The following DEPTOR variants were observed in gnomAD, a reference collection of about 807,000 sequenced individuals.
DEPTOR encodes the protein DEP domain-containing mTOR-interacting protein.
DEPTOR carries 41 observed loss-of-function variants against 41.6 expected under a neutral mutation model. The ratio of observed to expected loss-of-function variants is 0.98; its 90% confidence interval spans 0.77 to 1.28. The LOEUF is 1.28. DEPTOR is among the 50% of genes most tolerant of loss of function. The pLI is 0.00. For missense variants in DEPTOR, 514 were observed against 527.9 expected (o/e 0.97, Z 0.26); for synonymous variants, 195 against 192.3 (o/e 1.01, Z -0.12).
At chr8:120,020,158 G>A (rs1019584828) in intron 8 of DEPTOR, among the ~76,000 whole-genome samples, 3 of 152,110 alleles carry the variant, frequency 2.0e-5, no homozygotes, top group Non-Finnish European at 4.4e-5. Flanking sequence ...CATGATCTTG[G>A]CTCACTGCAA....
At chr8:119,942,540 G>C (rs7006901) in intron 3 of DEPTOR, among the ~76,000 whole-genome samples, 18,134 of 152,134 alleles carry the variant, frequency 0.12, 1,670 homozygotes, top group African/African-American at 0.25. Context: ...ATTGCTATTT[G>C]AATGGTAGAC....
chr8:119,955,686 G>A (rs1828409300), intron 3 of DEPTOR, among the ~76,000 whole-genome samples: 2 of 151,948 alleles, frequency 1.3e-5, no homozygotes, highest in Non-Finnish European at 2.9e-5. Flanking sequence ...GGTTGGTCTC[G>A]AACTCTTGAC....
chr8:120,048,522 A>G (rs1200835694), intron 8 of DEPTOR, among the ~76,000 whole-genome samples: 1 of 152,192 alleles, frequency 6.6e-6, no homozygotes, highest in Non-Finnish European at 1.5e-5. Flanking sequence ...GAACCAAGAA[A>G]AGAGAAACAG....
chr8:120,024,731 T>C (rs1812773132), intron 8 of DEPTOR, among the ~76,000 whole-genome samples: 1 of 152,124 alleles, frequency 6.6e-6, no homozygotes. Context: ...AGAGGGAGCA[T>C]GGCCTGCCCT....
chr8:119,878,810 T>C (rs184676810), intron 1 of DEPTOR, among the ~76,000 whole-genome samples: 6 of 152,188 alleles, frequency 3.9e-5, no homozygotes, highest in African/African-American at 1.2e-4. Flanking sequence ...AATTTTTGCA[T>C]CTTAAAGATG....
chr8:119,964,287 T>C (rs565237762), intron 3 of DEPTOR, among the ~76,000 whole-genome samples: 3 of 152,032 alleles, frequency 2.0e-5, no homozygotes, highest in Non-Finnish European at 4.4e-5. Context: ...GAGGCCAAGA[T>C]GGGCGGATCA....
chr8:120,033,997 G>A (rs1812934580), intron 8 of DEPTOR, among the ~76,000 whole-genome samples: 5 of 152,086 alleles, frequency 3.3e-5, no homozygotes, highest in Admixed American at 2.0e-4. Context: ...AACTCAGGAG[G>A]TGGAGGCTGC....
intron 7 of DEPTOR, among the ~76,000 whole-genome samples, chr8:120,007,306 T>C (rs939043820): frequency 6.6e-6 from 1 of 152,200 alleles, no homozygotes; most frequent in Non-Finnish European, 1.5e-5. Context: ...TTAGGATTAA[T>C]TCTAGAAATT....
intron 8 of DEPTOR, among the ~76,000 whole-genome samples, chr8:120,030,025 A>G (rs989695062): frequency 6.6e-6 from 1 of 152,158 alleles, no homozygotes; most frequent in African/African-American, 2.4e-5. Context: ...GACTGCCTGC[A>G]TGTACCCACA....
intron 1 of DEPTOR, among the ~76,000 whole-genome samples, chr8:119,896,894 TAAC>T (rs1458954903): frequency 2.8e-5 from 4 of 143,838 alleles, no homozygotes; most frequent in South Asian, 2.2e-4. Context: ...AAATGATTAA[TAAC>T]AACATTAATA....
intron 1 of DEPTOR, among the ~76,000 whole-genome samples, chr8:119,881,239 A>G (rs898884687): frequency 2.0e-5 from 3 of 152,220 alleles, no homozygotes; most frequent in Admixed American, 2.0e-4. Context: ...AGGTAAAAAC[A>G]GGCCAGGTGT....
intron 4 of DEPTOR, among the ~76,000 whole-genome samples, chr8:119,980,073 CA>C (rs2130015630): frequency 6.6e-6 from 1 of 151,480 alleles, no homozygotes; most frequent in Admixed American, 6.6e-5. Flanking sequence ...GGAAATCAGC[CA>C]CCAGACCAGG....
At chr8:119,977,493 C>A (rs757824976) in intron 4 of DEPTOR, among the ~76,000 whole-genome samples, 7 of 152,096 alleles carry the variant, frequency 4.6e-5, no homozygotes, top group Non-Finnish European at 7.4e-5. Flanking sequence ...TTTTTACTTT[C>A]CGAATTTAGA....
chr8:119,902,414 A>T (rs1025780714), intron 1 of DEPTOR, among the ~76,000 whole-genome samples: 1 of 152,032 alleles, frequency 6.6e-6, no homozygotes, highest in African/African-American at 2.4e-5. Context: ...ATCTCAGCTC[A>T]CTGCAGCCTC....
intron 3 of DEPTOR, among the ~76,000 whole-genome samples, chr8:119,930,432 T>G (rs1024555674): frequency 6.6e-5 from 10 of 152,158 alleles, no homozygotes; most frequent in African/African-American, 2.4e-4. Context: ...AGACAGGGTT[T>G]CACCATGTTG....
intron 3 of DEPTOR, among the ~76,000 whole-genome samples, chr8:119,961,403 T>G: frequency 7.8e-6 from 1 of 128,676 alleles, no homozygotes; most frequent in Non-Finnish European, 1.6e-5. Context: ...GCAACAAGAG[T>G]GAAACTCCGT....
At chr8:119,932,172 A>T (rs1828052700) in intron 3 of DEPTOR, among the ~76,000 whole-genome samples, 1 of 151,408 alleles carries the variant, frequency 6.6e-6, no homozygotes, top group Admixed American at 6.6e-5. Flanking sequence ...TTTTGTAGAG[A>T]CAGGATCTCA....
intron 8 of DEPTOR, among the ~76,000 whole-genome samples, chr8:120,023,129 A>G (rs560748573): frequency 1.3e-5 from 2 of 152,340 alleles, no homozygotes; most frequent in South Asian, 4.1e-4. Flanking sequence ...CTGTGTGTCC[A>G]CAAGGAAGAT....
At chr8:120,019,549 C>T (rs182411490) in intron 8 of DEPTOR, among the ~76,000 whole-genome samples, 22 of 152,256 alleles carry the variant, frequency 1.4e-4, no homozygotes, top group Admixed American at 5.9e-4. Flanking sequence ...TCCTCACGCC[C>T]GTGTAACTTT....
Sources: gnomAD v4.1 joint callset for allele counts (sites outside exome capture counted in the v4.1 genomes callset) on GRCh38, gnomAD v4.1.1 for gene constraint, MANE v1.5 for transcripts, NCBI Gene and HGNC (gene_info 2026-07-23, HGNC 2026-07-21) for gene names.